Variants in CELF2 observed in about 807,000 individuals in gnomAD.
CELF2 encodes CUG triplet repeat RNA-binding protein 2.
A neutral mutation model predicts 62.6 loss-of-function variants in CELF2; 8 were observed. The observed-to-expected ratio is 0.13, with a 90% CI of 0.07 to 0.23. The LOEUF (loss-of-function observed/expected upper bound fraction) is 0.23. Ranked by LOEUF, CELF2 falls within the 10% of genes least tolerant of loss-of-function variation. The probability of loss-of-function intolerance (pLI) is 1.00; values close to 1 mark genes in which losing one functional copy is unlikely to be tolerated. For missense variants in CELF2, 333 were observed against 671.0 expected, an observed-to-expected ratio of 0.50 and a Z score of 5.56; for synonymous variants, 258 against 250.0, an observed-to-expected ratio of 1.03 and a Z score of -0.30.
chr10:10,665,874 C>A, the CELF2 span, among the ~76,000 whole-genome samples: 4 of 152,188 alleles, frequency 2.6e-5, no homozygotes, highest in African/African-American at 9.6e-5. Context: ...AAAAACTACT[C>A]TGCAAGCCTA....
At chr10:10,716,004 A>G in the CELF2 span, among the ~76,000 whole-genome samples, 1 of 152,214 alleles carries the variant, frequency 6.6e-6, no homozygotes, top group African/African-American at 2.4e-5. Context: ...TTTTAAAAAC[A>G]AACTTCATTC....
At chr10:10,708,708 A>G in the CELF2 span, among the ~76,000 whole-genome samples, 1 of 152,130 alleles carries the variant, frequency 6.6e-6, no homozygotes, top group Non-Finnish European at 1.5e-5. Context: ...TTGCCTTGGA[A>G]TCTGATGGAA....
chr10:11,233,663 G>A (rs2069783144), intron 3 of CELF2, among the ~76,000 whole-genome samples: 1 of 152,192 alleles, frequency 6.6e-6, no homozygotes, highest in Admixed American at 6.5e-5. Context: ...CCAAACGCAA[G>A]AAATGGTCTT....
intron 2 of CELF2, among the ~76,000 whole-genome samples, chr10:11,196,706 C>T (rs183398159): frequency 6.6e-6 from 1 of 151,554 alleles, no homozygotes; most frequent in African/African-American, 2.4e-5. Flanking sequence ...ACCTGTAATC[C>T]CAGCACTTTG....
At chr10:11,106,550 T>C (rs1171744136) in intron 1 of CELF2, among the ~76,000 whole-genome samples, 2 of 152,322 alleles carry the variant, frequency 1.3e-5, no homozygotes, top group Non-Finnish European at 2.9e-5. Context: ...CTTGACACTT[T>C]TAATATTAGT....
chr10:10,963,906 A>G (rs113441136), intron 2 of CELF2, among the ~76,000 whole-genome samples: 1 of 152,174 alleles, frequency 6.6e-6, no homozygotes, highest in African/African-American at 2.4e-5. Flanking sequence ...TGCCTCAGGA[A>G]CACATTTCCT....
At chr10:11,147,555 CT>C (rs1225031236) in intron 1 of CELF2, among the ~76,000 whole-genome samples, 3 of 152,100 alleles carry the variant, frequency 2.0e-5, no homozygotes, top group Non-Finnish European at 4.4e-5. Flanking sequence ...TCCCCATAAG[CT>C]TTTTGGAGTG....
rs1565229108 is a variant in CELF2 at position 11,197,005 on chromosome 10, AAAG to A, written c.272-20417_272-20415del. On this transcript the variant is annotated intron_variant, in intron 2 of 12. Coordinates refer to ENST00000633077, the MANE Select transcript of CELF2 (RefSeq NM_001326342.2). ...AGAAAGAAAGAAAGGAAGGAAGGAG[AAAG>A]AAAGAAAGAAAGAAAGAAAAGAAAG... 9.9e-4 allele frequency among the ~76,000 whole-genome samples: 13 copies of A among 13,190 alleles called. 1 individual carries two copies. Among genetic ancestry groups the A allele is most frequent in the African/African-American group, 6.5e-3 (12 of 1,856 alleles). 8.7% of individuals were successfully genotyped at this position (13,190 alleles called of 152,430 possible).
At chr10:10,652,049 T>C in the CELF2 span, among the ~76,000 whole-genome samples, 22 of 148,578 alleles carry the variant, frequency 1.5e-4, no homozygotes, top group African/African-American at 2.2e-4. Context: ...AGCTGAAAAC[T>C]AAGGCTCGAG....
At chr10:11,291,413 C>T (rs1031266341) in intron 9 of CELF2, among the ~76,000 whole-genome samples, 1 of 151,942 alleles carries the variant, frequency 6.6e-6, no homozygotes, top group African/African-American at 2.4e-5. Flanking sequence ...AAAAAAATCC[C>T]CTCAGGCAAT....
At chr10:10,735,248 AT>A in the CELF2 span, among the ~76,000 whole-genome samples, 1 of 152,236 alleles carries the variant, frequency 6.6e-6, no homozygotes, top group African/African-American at 2.4e-5. Context: ...AGTGATAAAA[AT>A]TTTTAAAAGC....
chr10:11,105,349 T>A (rs1180553340), intron 1 of CELF2: 1 of 152,230 alleles, frequency 6.6e-6, no homozygotes, highest in African/African-American at 2.4e-5. Flanking sequence ...ATCCGTAGAA[T>A]GGAATAATTA....
At chr10:10,585,602 T>C in the CELF2 span, among the ~76,000 whole-genome samples, 1 of 152,232 alleles carries the variant, frequency 6.6e-6, no homozygotes, top group African/African-American at 2.4e-5. Context: ...ATTTGCTCCA[T>C]ATTCCAAGTG....
intron 2 of CELF2, among the ~76,000 whole-genome samples, chr10:11,197,016 G>GAA (rs775416278): frequency 1.6e-4 from 2 of 12,164 alleles, no homozygotes; most frequent in African/African-American, 8.0e-4. Context: ...AAGAAAGAAA[G>GAA]AAAGAAAGAA....
intron 1 of CELF2, among the ~76,000 whole-genome samples, chr10:10,810,738 C>G (rs1196471519): frequency 6.6e-6 from 1 of 152,156 alleles, no homozygotes; most frequent in Non-Finnish European, 1.5e-5. Context: ...AAAGAAACCA[C>G]TAAAGTTCCC....
upstream of CELF2, among the ~76,000 whole-genome samples, chr10:10,797,820 A>G (rs1330044550): frequency 5.9e-5 from 9 of 152,318 alleles, no homozygotes; most frequent in East Asian, 1.3e-3. Flanking sequence ...AGAAATCAGT[A>G]CAGTCCCGAA....
chr10:10,578,263 C>T, the CELF2 span, among the ~76,000 whole-genome samples: 8 of 152,078 alleles, frequency 5.3e-5, no homozygotes, highest in African/African-American at 1.9e-4. Context: ...AGATATTAGC[C>T]CTTTGTCAGA....
the CELF2 span, among the ~76,000 whole-genome samples, chr10:10,516,306 T>A: frequency 3.4e-3 from 512 of 152,326 alleles, 2 homozygotes; most frequent in Middle Eastern, 0.017. Context: ...CTGAATTCCA[T>A]ATTAGCTTGT....
rs79995145 is a variant in CELF2, at chr10:11,243,224, G to A, written c.355-5929G>A. On this transcript the variant is annotated intron_variant, in intron 3 of 12. Coordinates refer to ENST00000633077, the MANE Select transcript of CELF2 (RefSeq NM_001326342.2). The surrounding 1 kb of genome is among the most constrained non-coding windows in gnomAD (Gnocchi z 4.1). The stretch of plus-strand genomic sequence containing the variant: ...CGCTTGACTCTAGTTCCTTCTCCCC[G>A]GGAGGGAGAAAGGGAAGGAGCCTTT... Among the ~76,000 whole-genome samples, 1,790 of 152,136 alleles carry A rather than the reference G, an allele frequency of 0.012. 33 individuals carry two copies. Among genetic ancestry groups the A allele is most frequent in the African/African-American group, 0.041 (1,694 of 41,460 alleles).
Sources: allele counts gnomAD v4.1 joint callset (sites outside exome capture counted in the v4.1 genomes callset), GRCh38; gene constraint gnomAD v4.1.1; non-coding constraint Gnocchi (gnomAD v3.1); transcripts MANE v1.5; gene names NCBI Gene and HGNC (gene_info 2026-07-23, HGNC 2026-07-21).